The following C6 variants were observed in gnomAD, a reference collection of about 807,000 sequenced individuals.
C6 encodes complement component C6.
C6 carries 101 observed loss-of-function variants against 112.9 expected under a neutral mutation model. The ratio of observed to expected loss-of-function variants is 0.89; its 90% CI spans 0.76 to 1.06. The LOEUF is 1.06. Ranked by LOEUF, C6 falls within the 50% of genes least tolerant of loss-of-function variation. The pLI, the probability that C6 is intolerant of heterozygous loss-of-function variation, is 0.00. For synonymous variants in C6, 431 were observed against 384.1 expected (o/e 1.12, Z -1.43); for missense variants, 1,202 against 1,104.6 (o/e 1.09, Z -1.25).
At chr5:41,254,670 A>G (rs917568524) in intron 1 of C6, among the ~76,000 whole-genome samples, 1 of 152,238 alleles carries the variant, frequency 6.6e-6, no homozygotes, top group African/African-American at 2.4e-5. Flanking sequence ...TTTCAGCTCA[A>G]TGTAAATGTT....
chr5:41,229,457 T>G (rs1297856847), intron 1 of C6, among the ~76,000 whole-genome samples: 2 of 152,216 alleles, frequency 1.3e-5, no homozygotes, highest in Non-Finnish European at 1.5e-5. Context: ...AGAACTGTGT[T>G]TAATTTACAC....
intron 8 of C6, 38 bp downstream of exon 8, chr5:41,176,437 C>T (rs765915557): frequency 6.2e-7 from 1 of 1,605,434 alleles, no homozygotes; most frequent in Non-Finnish European, 8.5e-7. Flanking sequence ...TGCATGCTAT[C>T]ATACCAGTTA....
At chr5:41,257,436 A>G (rs1248830358) in intron 1 of C6, among the ~76,000 whole-genome samples, 1 of 152,070 alleles carries the variant, frequency 6.6e-6, no homozygotes, top group Non-Finnish European at 1.5e-5. Context: ...GGGCATCTAG[A>G]TAGATCCCAT....
chr5:41,198,574 T>G (rs1279098564), intron 4 of C6, among the ~76,000 whole-genome samples: 3 of 152,232 alleles, frequency 2.0e-5, no homozygotes, highest in Middle Eastern at 3.4e-3. Flanking sequence ...ATAATACAGT[T>G]ATTTGAAAAT....
At chr5:41,248,417 C>G (rs1309724703) in intron 1 of C6, among the ~76,000 whole-genome samples, 1 of 152,164 alleles carries the variant, frequency 6.6e-6, no homozygotes, top group African/African-American at 2.4e-5. Flanking sequence ...TATTTGCAAG[C>G]TATGCATCTG....
chr5:41,197,465 T>C (rs1485862466), intron 4 of C6, among the ~76,000 whole-genome samples: 5 of 152,294 alleles, frequency 3.3e-5, no homozygotes, highest in South Asian at 4.1e-4. Context: ...TATGAATCTA[T>C]ACATATTACA....
chr5:41,166,751 C>A lies in C6; in HGVS notation c.1292-4892G>T, dbSNP rs192705439. Among the ~76,000 whole-genome samples the A allele has an allele frequency of 3.7e-3, 570 of 152,122 alleles. 2 individuals are homozygous for A. Among genetic ancestry groups the A allele is most frequent in the African/African-American group, 0.013 (545 of 41,534 alleles). On this transcript the variant is annotated intron_variant, in intron 9 of 17. Coordinates refer to ENST00000337836, the MANE Select transcript of C6 (RefSeq NM_000065.5). The stretch of plus-strand genomic sequence containing the variant: ...GGCACCTAACCTTAATTATGAACAA[C>A]AATAGAGATGGTAATCAGGTAAGAC...
chr5:41,254,220 T>C (rs1242660180), intron 1 of C6, among the ~76,000 whole-genome samples: 1 of 152,080 alleles, frequency 6.6e-6, no homozygotes, highest in Non-Finnish European at 1.5e-5. Context: ...GCTAACACGG[T>C]GAAACCCCAT....
chr5:41,260,789 A>C (rs986172842), intron 1 of C6, among the ~76,000 whole-genome samples: 4 of 151,968 alleles, frequency 2.6e-5, no homozygotes, highest in African/African-American at 9.7e-5. Flanking sequence ...AAAAAAAACA[A>C]AACAAAAACA....
chr5:41,159,411 G>C (rs1747256810), intron 11 of C6, 158 bp from the exon 12 acceptor site: 1 of 980,274 alleles, frequency 1.0e-6, no homozygotes, highest in Non-Finnish European at 1.2e-6. Flanking sequence ...CCTGTGCAAG[G>C]GGCCTGACAC....
intron 1 of C6, among the ~76,000 whole-genome samples, chr5:41,260,283 C>T (rs183859092): frequency 1.1e-4 from 17 of 152,040 alleles, no homozygotes; most frequent in South Asian, 4.2e-4. Flanking sequence ...CACACACACA[C>T]GCCAGCTTTG....
intron 5 of C6, among the ~76,000 whole-genome samples, chr5:41,193,547 ATATG>A (rs1259678301): frequency 6.6e-6 from 1 of 152,152 alleles, no homozygotes; most frequent in African/African-American, 2.4e-5. Context: ...TTTCACATAT[ATATG>A]TGTGTGATCC....
At chr5:41,193,952 G>A (rs906148890) in intron 5 of C6, among the ~76,000 whole-genome samples, 10 of 152,008 alleles carry the variant, frequency 6.6e-5, no homozygotes, top group Non-Finnish European at 1.3e-4. Flanking sequence ...GTCCCGAGCC[G>A]GCAGGCTTTG....
intron 9 of C6, among the ~76,000 whole-genome samples, chr5:41,162,757 T>A (rs1580080938): frequency 6.6e-6 from 1 of 152,308 alleles, no homozygotes; most frequent in Non-Finnish European, 1.5e-5. Flanking sequence ...GATTAGGAAA[T>A]GGATGCAACT....
At chr5:41,190,180 A>G (rs1361921239) in intron 5 of C6, among the ~76,000 whole-genome samples, 1 of 152,096 alleles carries the variant, frequency 6.6e-6, no homozygotes, top group Non-Finnish European at 1.5e-5. Flanking sequence ...TTTTTGAGGA[A>G]TCTCCATACT....
At chr5:41,222,859 T>A (rs1052675246) in intron 1 of C6, among the ~76,000 whole-genome samples, 6 of 152,214 alleles carry the variant, frequency 3.9e-5, no homozygotes, top group African/African-American at 1.4e-4. Context: ...TAAGCCCACA[T>A]GGCTAATTAC....
intron 5 of C6, among the ~76,000 whole-genome samples, chr5:41,188,818 A>G (rs987560830): frequency 1.3e-5 from 2 of 152,068 alleles, no homozygotes; most frequent in African/African-American, 4.8e-5. Flanking sequence ...GGACACCAAC[A>G]AAAAAGTGAA....
chr5:41,143,097 G>A (rs1745499980), intron 17 of C6, 91 bp from the exon 18 acceptor site: 1 of 1,160,498 alleles, frequency 8.6e-7, no homozygotes, highest in African/African-American at 1.5e-5. Context: ...CGAGCTCCTT[G>A]ATGGTGTTAA....
intron 1 of C6, among the ~76,000 whole-genome samples, chr5:41,241,023 A>G (rs1279571982): frequency 1.3e-5 from 2 of 152,164 alleles, no homozygotes; most frequent in African/African-American, 2.4e-5. Flanking sequence ...ATCTTTGGGC[A>G]GCATGCTCGC....
Sources: gnomAD v4.1 joint callset for allele counts (sites outside exome capture counted in the v4.1 genomes callset) on GRCh38, gnomAD v4.1.1 for gene constraint, MANE v1.5 for transcripts, NCBI Gene and HGNC (gene_info 2026-07-23, HGNC 2026-07-21) for gene names.